BICD2: variants seen among roughly 807,000 people sequenced by gnomAD.
BICD2 encodes the protein BICD cargo adaptor 2.
A neutral mutation model predicts 72.9 loss-of-function variants in BICD2; 25 were observed. The ratio of observed to expected loss-of-function variants is 0.34; its 90% CI spans 0.25 to 0.48. BICD2 has a LOEUF of 0.48. Ranked by LOEUF, BICD2 falls within the 20% of genes least tolerant of loss-of-function variation. The probability of loss-of-function intolerance (pLI) is 0.99; values close to 1 mark genes in which losing one functional copy is unlikely to be tolerated. For missense variants in BICD2, 894 were observed against 1,175.2 expected (o/e 0.76, Z 3.50); for synonymous variants, 501 against 516.1 (o/e 0.97, Z 0.40).
At chr9:92,763,685 A>T (rs1442700325) in intron 1 of BICD2, among the ~76,000 whole-genome samples, 1 of 150,668 alleles carries the variant, frequency 6.6e-6, no homozygotes, top group Non-Finnish European at 1.5e-5. Context: ...ACCCTCGACC[A>T]GCCTGGTGGT....
intron 1 of BICD2, among the ~76,000 whole-genome samples, chr9:92,735,489 C>A (rs952048217): frequency 6.6e-6 from 1 of 151,884 alleles, no homozygotes; most frequent in Non-Finnish European, 1.5e-5. Context: ...GACATGGGGG[C>A]AGGAGGTCCC....
chr9:92,728,541 C>T (rs1439277764), intron 2 of BICD2, among the ~76,000 whole-genome samples: 1 of 152,146 alleles, frequency 6.6e-6, no homozygotes, highest in Non-Finnish European at 1.5e-5. Flanking sequence ...TGGTCTCCAC[C>T]CCTAATTCTC....
intron 1 of BICD2, among the ~76,000 whole-genome samples, chr9:92,738,582 T>C (rs998447273): frequency 2.6e-5 from 4 of 152,230 alleles, no homozygotes; most frequent in African/African-American, 9.6e-5. Flanking sequence ...CCCTAGCTAG[T>C]AGAGGTTGCC....
At chr9:92,726,736 C>T (rs1468442875) in intron 2 of BICD2, among the ~76,000 whole-genome samples, 1 of 152,138 alleles carries the variant, frequency 6.6e-6, no homozygotes, top group Non-Finnish European at 1.5e-5. Context: ...TCAGGAGAGA[C>T]AGGGAAGGCT....
chr9:92,726,444 G>A (rs969660982), intron 2 of BICD2, among the ~76,000 whole-genome samples: 8 of 152,170 alleles, frequency 5.3e-5, no homozygotes, highest in African/African-American at 1.9e-4. Context: ...TCTGACCCAT[G>A]GGGTGTGAGC....
Position 92,720,574 on chromosome 9 carries a change from T to A in BICD2, c.788A>T (p.His263Leu), listed in dbSNP as rs905682709. 2 of 1,614,154 alleles carry A rather than the reference T, an allele frequency of 1.2e-6. No homozygotes were observed. Among genetic ancestry groups the A allele is most frequent in the Non-Finnish European group, 1.7e-6 (2 of 1,180,022 alleles). The change falls in exon 4 of 7, where the codon CAC becomes CTC. Residue 263 changes from histidine to leucine, a missense_variant. By Grantham distance (99) the His-to-Leu change is moderately conservative. This residue lies in a region of BICD2 where 371 missense variants were observed against 439.1 expected (regional missense o/e 0.84). Coordinates refer to ENST00000356884, the MANE Select transcript of BICD2 (RefSeq NM_001003800.2). This position sits in a 1 kb window ranked among gnomAD's most constrained non-coding sequence, Gnocchi z 5.4. ...GAAGGAGTCATTGATGCTCATGTAG[T>A]GTGACAGCTCCTTGCGCAGGCTGTT... ...QKNSLRKELS[H>L]YMSINDSFYT...
At chr9:92,733,142 T>C (rs1032848171) in intron 1 of BICD2, among the ~76,000 whole-genome samples, 14 of 152,328 alleles carry the variant, frequency 9.2e-5, no homozygotes, top group East Asian at 3.9e-4. Context: ...AGTGTAAAGA[T>C]AGATACAGAG....
At chr9:92,731,653 T>C (rs996946835) in intron 1 of BICD2, among the ~76,000 whole-genome samples, 15 of 151,766 alleles carry the variant, frequency 9.9e-5, no homozygotes, top group Non-Finnish European at 1.5e-5. Context: ...AGGCAAGGCG[T>C]GGCAGACCCT....
rs751319533 is a variant in BICD2, at chr9:92,720,645, C to G, written c.717G>C (p.Gln239His). 30 of 1,614,094 alleles carry G rather than the reference C, an allele frequency of 1.9e-5. No homozygotes were observed. Among genetic ancestry groups the G allele is most frequent in the Admixed American group, 6.7e-5 (4 of 60,006 alleles). The change falls in exon 4 of 7, where the codon CAG becomes CAC. Residue 239 changes from glutamine to histidine, a missense_variant. Physicochemically the swap from Gln to His is conservative, Grantham distance 24. This residue lies in a region of BICD2 where 371 missense variants were observed against 439.1 expected (regional missense o/e 0.84). Coordinates refer to ENST00000356884, the MANE Select transcript of BICD2 (RefSeq NM_001003800.2). The surrounding 1 kb of genome is among the most constrained non-coding windows in gnomAD (Gnocchi z 5.4). ...TCAGGGTCTCCAGCGCCTCCTCCAGCTGCCGCTCTGAGATCTCCTTGAGGC... is the reference window on the plus strand; with the variant it reads ...TCAGGGTCTCCAGCGCCTCCTCCAGGTGCCGCTCTGAGATCTCCTTGAGGC... ...AIRLKEISER[Q>H]LEEALETLKT...
At chr9:92,719,613 T>C (rs1198638890) in intron 4 of BICD2, 31 bp from the exon 5 acceptor site, 1 of 1,552,352 alleles carries the variant, frequency 6.4e-7, no homozygotes, top group Non-Finnish European at 8.7e-7. Flanking sequence ...GGACACCATG[T>C]CAGTTGCTAT....
At chr9:92,755,136 G>A (rs1013557883) in intron 1 of BICD2, among the ~76,000 whole-genome samples, 5 of 151,678 alleles carry the variant, frequency 3.3e-5, no homozygotes, top group Non-Finnish European at 7.4e-5. Flanking sequence ...TGGCCCCCCT[G>A]GGGCATACCT....
intron 1 of BICD2, among the ~76,000 whole-genome samples, chr9:92,761,167 C>T (rs1318509529): frequency 8.5e-5 from 13 of 152,192 alleles, no homozygotes; most frequent in Admixed American, 8.5e-4. Flanking sequence ...AGAGGTAGGG[C>T]AGTCCCAAGC....
chr9:92,737,990 C>T (rs1853822701), intron 1 of BICD2, among the ~76,000 whole-genome samples: 1 of 152,232 alleles, frequency 6.6e-6, no homozygotes, highest in African/African-American at 2.4e-5. Flanking sequence ...CCACATAGGC[C>T]TCCTGCTTCG....
At chr9:92,727,852 C>T (rs1340154077) in intron 2 of BICD2, among the ~76,000 whole-genome samples, 1 of 152,196 alleles carries the variant, frequency 6.6e-6, no homozygotes, top group Non-Finnish European at 1.5e-5. Flanking sequence ...CTTGGCTCAG[C>T]ACCACAGTGA....
chr9:92,734,780 G>T (rs917197490), intron 1 of BICD2, among the ~76,000 whole-genome samples: 2 of 152,114 alleles, frequency 1.3e-5, no homozygotes, highest in African/African-American at 4.8e-5. Context: ...TGCCCTGCAG[G>T]GTATGATCCC....
Position 92,714,815 on chromosome 9 carries a change from C to T in BICD2, c.*339G>A. 9.3e-7 allele frequency: 1 copy of T among 1,071,144 alleles called. No individual in the cohort carries two copies. The highest frequency in any genetic ancestry group is 1.1e-6 in the Non-Finnish European group (1 of 885,084). 66.4% of individuals were successfully genotyped at this position (1,071,144 alleles called of 1,614,324 possible). A position where few individuals can be genotyped will look rare whatever the true frequency, so the allele number is the denominator to read the frequency against. Reference sequence around the variant, plus strand: ...CCTTTTGGGTGCTGAGGGAGCAGGACCAGGACTCCTCCCTTGGGTTTCCCC... The same window carrying T: ...CCTTTTGGGTGCTGAGGGAGCAGGATCAGGACTCCTCCCTTGGGTTTCCCC... On this transcript the variant is annotated 3_prime_UTR_variant, in exon 7 of 7. Coordinates refer to ENST00000356884, the MANE Select transcript of BICD2 (RefSeq NM_001003800.2).
At chr9:92,718,341 C>A (rs985142015) in intron 5 of BICD2, among the ~76,000 whole-genome samples, 198 bp downstream of exon 5, 7 of 152,234 alleles carry the variant, frequency 4.6e-5, no homozygotes, top group African/African-American at 1.7e-4. Flanking sequence ...GGCCCTCACA[C>A]CCACCTGCCT....
At position 92,726,754 on chromosome 9, in the gene BICD2, G is replaced by A. The variant is rs146903427; in HGVS notation, c.453+2270C>T. Reference sequence around the variant, plus strand: ...GGAGAGACAGGGAAGGCTGAGGGGTGTGCAGGGAGTCTCAGGATTTCCTCC... The same window carrying A: ...GGAGAGACAGGGAAGGCTGAGGGGTATGCAGGGAGTCTCAGGATTTCCTCC... On this transcript the variant is annotated intron_variant, in intron 2 of 6. Transcript: ENST00000356884. 2.4e-3 allele frequency among the ~76,000 whole-genome samples: 361 copies of A among 152,266 alleles called. 2 individuals are homozygous for A. Among genetic ancestry groups the A allele is most frequent in the Non-Finnish European group, 4.2e-3 (283 of 68,006 alleles).
intron 5 of BICD2, 96 bp downstream of exon 5, chr9:92,718,443 G>C (rs925374551): frequency 8.4e-6 from 12 of 1,421,558 alleles, no homozygotes; most frequent in Admixed American, 6.5e-5. Flanking sequence ...ACGCAGGCCT[G>C]GGGGGGCCCC....
Sources: gnomAD v4.1 joint callset for allele counts (sites outside exome capture counted in the v4.1 genomes callset) on GRCh38, gnomAD v4.1.1 for gene constraint, gnomAD v4.1.1 regional missense constraint, Gnocchi (gnomAD v3.1) non-coding constraint, MANE v1.5 for transcripts, NCBI Gene and HGNC (gene_info 2026-07-23, HGNC 2026-07-21) for gene names.